Variants in OVCH1 observed in about 807,000 individuals in gnomAD.
The protein encoded by OVCH1 is ovochymase 1, also known as ovochymase-1.
Under a neutral mutation model 138.4 loss-of-function variants are expected in OVCH1, and 139 were observed. The observed-to-expected ratio is 1.00, with a 90% confidence interval of 0.87 to 1.16. The LOEUF is 1.16. OVCH1 is among the 50% of genes most tolerant of loss of function. OVCH1 has a pLI of 0.00. For synonymous variants in OVCH1, 453 were observed against 467.8 expected (o/e 0.97, Z 0.41); for missense variants, 1,367 against 1,357.9 (o/e 1.01, Z -0.11).
chr12:29,428,671 G>C (rs1381483982), intron 27 of OVCH1, among the ~76,000 whole-genome samples: 1 of 152,130 alleles, frequency 6.6e-6, no homozygotes, highest in Non-Finnish European at 1.5e-5. Flanking sequence ...GAACTTCAAA[G>C]CAAAATTCTG....
chr12:29,491,715 A>T (rs957855607), intron 4 of OVCH1, among the ~76,000 whole-genome samples: 2 of 151,416 alleles, frequency 1.3e-5, no homozygotes, highest in Non-Finnish European at 2.9e-5. Context: ...AAGCCCAGTA[A>T]CTCCAACTAT....
At chr12:29,410,716 C>A (rs568015300), downstream of OVCH1, among the ~76,000 whole-genome samples, 1 of 151,742 alleles carries the variant, frequency 6.6e-6, no homozygotes, top group African/African-American at 2.4e-5. Flanking sequence ...GTGGGTAACC[C>A]GACCTTTCTC....
Position 29,489,777 on chromosome 12 carries a change from G to A in OVCH1, c.551-6C>T, listed in dbSNP as rs761316218. On this transcript the variant is annotated splice_region_variant and splice_polypyrimidine_tract_variant and intron_variant, in intron 5 of 27. Coordinates refer to ENST00000318184, the Ensembl canonical transcript of OVCH1. ...GACATTTGAATATTCTGATGCTGTA[G>A]AGAGAGGACAGATAAGTTAGCACAC... 8 of 1,607,534 alleles carry A rather than the reference G, an allele frequency of 5.0e-6. No homozygotes were observed. Among genetic ancestry groups the A allele is most frequent in the African/African-American group, 1.3e-5 (1 of 74,870 alleles).
At chr12:29,470,184 G>A (rs750866519) in intron 16 of OVCH1, among the ~76,000 whole-genome samples, 2 of 152,154 alleles carry the variant, frequency 1.3e-5, no homozygotes, top group Middle Eastern at 3.4e-3. Flanking sequence ...TATGAATATA[G>A]CATTTAAGAA....
chr12:29,439,790 G>A (rs1365381511), intron 25 of OVCH1, among the ~76,000 whole-genome samples, 63 bp downstream of exon 26: 1 of 152,098 alleles, frequency 6.6e-6, no homozygotes. Context: ...AGGTTCCCAC[G>A]ATCCCCTCCT....
intron 3 of OVCH1, among the ~76,000 whole-genome samples, chr12:29,417,712 A>G (rs968610929): frequency 5.9e-5 from 9 of 151,996 alleles, no homozygotes; most frequent in Admixed American, 6.6e-5. Context: ...CCAACTCTCT[A>G]TCCCTGAGAT....
intron 26 of OVCH1, among the ~76,000 whole-genome samples, chr12:29,436,439 CATTT>C (rs1941361240): frequency 6.6e-6 from 1 of 152,146 alleles, no homozygotes; most frequent in Non-Finnish European, 1.5e-5. Context: ...TAAATTTTCT[CATTT>C]GTTTTAAAAA....
chr12:29,439,716 C>G (rs1241550209), intron 25 of OVCH1, among the ~76,000 whole-genome samples, 137 bp downstream of exon 26: 2 of 152,188 alleles, frequency 1.3e-5, no homozygotes, highest in Admixed American at 6.6e-5. Context: ...TCACTCCCCA[C>G]TTCAGATGCC....
At chr12:29,427,737 G>C (rs754479648) in intron 27 of OVCH1, 54 of 1,495,664 alleles carry the variant, frequency 3.6e-5, no homozygotes, top group Non-Finnish European at 4.6e-5. Flanking sequence ...TAGCTAACGG[G>C]GAAGCCAGGA....
chr12:29,492,925 C>G (rs1943310793), intron 4 of OVCH1, among the ~76,000 whole-genome samples: 1 of 152,064 alleles, frequency 6.6e-6, no homozygotes. Context: ...TTTCCAAGAA[C>G]ATATGAGCAA....
intron 3 of OVCH1, among the ~76,000 whole-genome samples, chr12:29,419,254 T>C (rs185555862): frequency 1.3e-5 from 2 of 152,244 alleles, no homozygotes; most frequent in African/African-American, 4.8e-5. Context: ...AATTTTAATG[T>C]ATATATTTTC....
chr12:29,496,229 T>G lies in OVCH1; in HGVS notation c.233A>C (p.Gln78Pro), dbSNP rs766144836. The change falls in exon 3 of 28, where the codon CAA becomes CCA. Residue 78 changes from glutamine (Q) to proline (P), a missense_variant. Coordinates refer to ENST00000318184, the Ensembl canonical transcript of OVCH1. ...TGCTGCTGTAACAACCCGATCTTCT[T>G]GAATCAAGCTTCCTCCACAGAAGTG... The G allele has an allele frequency of 3.1e-6, 5 of 1,609,676 alleles. No homozygotes were observed. In the Admixed American group the frequency reaches 5.0e-5, roughly 16 times the overall value.
chr12:29,474,445 GA>G, intron 14 of OVCH1, among the ~76,000 whole-genome samples: 1 of 152,286 alleles, frequency 6.6e-6, no homozygotes. Context: ...TAATGCATGT[GA>G]AATGCTTAGT....
downstream of OVCH1, among the ~76,000 whole-genome samples, chr12:29,412,292 ACGCACGGTGAGCTG>A (rs1464749928): frequency 1.3e-5 from 2 of 151,560 alleles, no homozygotes; most frequent in African/African-American, 4.9e-5. Flanking sequence ...GCTTCGGCTC[ACGCACGGTGAGCTG>A]CGCACGGTGA....
At chr12:29,476,775 A>ATG (rs1942742541) in intron 12 of OVCH1, among the ~76,000 whole-genome samples, 1 of 111,258 alleles carries the variant, frequency 9.0e-6, no homozygotes, top group East Asian at 2.3e-4. Context: ...ACACACACAC[A>ATG]CACACACACA....
chr12:29,436,098 GAC>G (rs1339525318), intron 26 of OVCH1, among the ~76,000 whole-genome samples: 3 of 151,792 alleles, frequency 2.0e-5, no homozygotes, highest in Admixed American at 6.6e-5. Flanking sequence ...AAAATTATGT[GAC>G]AATATTTTAT....
At chr12:29,467,163 G>T (rs964601105) in intron 16 of OVCH1, among the ~76,000 whole-genome samples, 4 of 152,058 alleles carry the variant, frequency 2.6e-5, no homozygotes, top group Non-Finnish European at 4.4e-5. Flanking sequence ...GCTACTGGAA[G>T]GATTAAACTT....
chr12:29,478,972 G>A lies in OVCH1; in HGVS notation c.996-64C>T. ...CATTATTTTCCAAACATATAAGCTG[G>A]GGTAGGGGAAGGTGAAGAAAATGTA... is the stretch of plus-strand genomic sequence containing the variant. On this transcript the variant is annotated intron_variant, in intron 8 of 27. Coordinates refer to ENST00000318184, the Ensembl canonical transcript of OVCH1. 2 of 1,193,200 alleles carry A rather than the reference G, an allele frequency of 1.7e-6. No homozygotes were observed. The highest frequency in any genetic ancestry group is 3.2e-5 in the South Asian group (2 of 63,114). 73.9% of individuals were successfully genotyped at this position (1,193,200 alleles called of 1,614,324 possible).
At chr12:29,465,467 A>C (rs923261240) in intron 16 of OVCH1, among the ~76,000 whole-genome samples, 5 of 152,168 alleles carry the variant, frequency 3.3e-5, no homozygotes, top group Admixed American at 1.3e-4. Flanking sequence ...CAGAAGAGAG[A>C]GAGCAAAGGA....
Sources: allele counts gnomAD v4.1 joint callset (sites outside exome capture counted in the v4.1 genomes callset), GRCh38; gene constraint gnomAD v4.1.1; transcripts MANE v1.5; gene names NCBI Gene and HGNC (gene_info 2026-07-23, HGNC 2026-07-21).